Variants in KIAA1671 observed in about 807,000 individuals in gnomAD.
KIAA1671 encodes uncharacterized protein KIAA1671.
KIAA1671 carries 52 observed loss-of-function variants against 131.2 expected under a neutral mutation model. The ratio of observed to expected loss-of-function variants is 0.40; its 90% CI spans 0.32 to 0.50. The LOEUF (loss-of-function observed/expected upper bound fraction) is 0.50. Among genes scored for constraint, KIAA1671 ranks in the 20% least tolerant of loss-of-function variants. The pLI, the probability that KIAA1671 is intolerant of heterozygous loss-of-function variation, is 0.73. For missense variants in KIAA1671, 2,360 were observed against 2,364.2 expected (o/e 1.00, Z 0.04); for synonymous variants, 1,003 against 961.6 (o/e 1.04, Z -0.80).
chr22:25,093,261 GC>G (rs1458333063), intron 6 of KIAA1671, among the ~76,000 whole-genome samples: 2 of 152,180 alleles, frequency 1.3e-5, no homozygotes, highest in Non-Finnish European at 2.9e-5. Flanking sequence ...CCAGTTTTGA[GC>G]AGGCAGCCTA....
chr22:25,040,527 C>T lies in KIAA1671; in HGVS notation c.3397C>T (p.His1133Tyr), dbSNP rs1347487300. Residue 1133 changes from histidine (H) to tyrosine (Y), a missense_variant, in exon 5 of 13, where the codon CAT (histidine) becomes TAT (tyrosine). Around this residue, in one of 3 missense-constraint regions of KIAA1671, gnomAD observed 1,161 missense variants for 1,204.7 expected, o/e 0.96. Transcript: ENST00000358431. ...RIIDVDALWSHRGSEDGPRPQ... is the reference protein window; with the variant it reads ...RIIDVDALWSYRGSEDGPRPQ... ...CATTGATGTGGATGCCTTATGGAGT[C>T]ATCGGGGATCAGAAGATGGCCCTCG... 1 of 1,551,818 alleles carries T rather than the reference C, an allele frequency of 6.4e-7. No individual in the cohort carries two copies. Among genetic ancestry groups the T allele is most frequent in the African/African-American group, 1.4e-5 (1 of 73,164 alleles).
chr22:25,091,982 T>C (rs1930048517), intron 6 of KIAA1671, among the ~76,000 whole-genome samples: 1 of 152,142 alleles, frequency 6.6e-6, no homozygotes, highest in South Asian at 2.1e-4. Flanking sequence ...TTTAGTTTAT[T>C]TGGTCATTCA....
intron 1 of KIAA1671, among the ~76,000 whole-genome samples, chr22:24,978,357 C>T (rs906846667): frequency 6.6e-5 from 10 of 152,160 alleles, no homozygotes; most frequent in Admixed American, 1.3e-4. Context: ...TGCCTCCTGC[C>T]ATGACTCTGA....
At chr22:25,144,256 G>T (rs932084054) in intron 6 of KIAA1671, among the ~76,000 whole-genome samples, 1 of 151,956 alleles carries the variant, frequency 6.6e-6, no homozygotes, top group African/African-American at 2.4e-5. Flanking sequence ...TTTACCTCTT[G>T]GCACTGCCTC....
At chr22:24,958,050 A>G (rs1220731176) in intron 1 of KIAA1671, among the ~76,000 whole-genome samples, 1 of 150,186 alleles carries the variant, frequency 6.7e-6, no homozygotes, top group African/African-American at 2.5e-5. Flanking sequence ...AGTTCATGAA[A>G]CTGAGGCTTC....
chr22:24,975,639 T>C (rs986775851), intron 1 of KIAA1671, among the ~76,000 whole-genome samples: 1 of 152,158 alleles, frequency 6.6e-6, no homozygotes, highest in Non-Finnish European at 1.5e-5. Context: ...TTGAAATATA[T>C]GAAATTGCCA....
chr22:25,172,943 A>AT (rs1217705940), intron 7 of KIAA1671, among the ~76,000 whole-genome samples: 2 of 152,200 alleles, frequency 1.3e-5, no homozygotes, highest in African/African-American at 4.8e-5. Context: ...CATGAGGCCA[A>AT]TTATATTAGT....
chr22:25,118,454 A>G (rs1229345779), intron 6 of KIAA1671, among the ~76,000 whole-genome samples: 2 of 151,874 alleles, frequency 1.3e-5, no homozygotes, highest in African/African-American at 4.8e-5. Flanking sequence ...ACACCTACCT[A>G]ATTTTTTTGT....
chr22:24,988,778 T>A (rs577083816), intron 1 of KIAA1671, among the ~76,000 whole-genome samples: 2 of 149,896 alleles, frequency 1.3e-5, no homozygotes, highest in Non-Finnish European at 3.0e-5. Context: ...GTTTATCTCA[T>A]CTGAGAATTG....
chr22:25,070,668 G>T (rs6004424), intron 6 of KIAA1671, among the ~76,000 whole-genome samples: 19,565 of 151,696 alleles, frequency 0.13, 1,332 homozygotes, highest in South Asian at 0.18. Flanking sequence ...TCCGATGTGG[G>T]CTTTCCTCCA....
At chr22:25,081,870 T>A (rs1017434931) in intron 6 of KIAA1671, among the ~76,000 whole-genome samples, 3 of 152,112 alleles carry the variant, frequency 2.0e-5, no homozygotes, top group Non-Finnish European at 4.4e-5. Flanking sequence ...CAGACCAGCC[T>A]GGGCAACATA....
At chr22:24,953,800 C>T (rs1270109992) in intron 1 of KIAA1671, among the ~76,000 whole-genome samples, 3 of 152,224 alleles carry the variant, frequency 2.0e-5, no homozygotes, top group Admixed American at 6.5e-5. Context: ...GGGCTTCCTG[C>T]CTGCCGGGAC....
intron 1 of KIAA1671, chr22:25,015,105 T>C (rs1925233288): frequency 6.6e-6 from 1 of 151,898 alleles, no homozygotes; most frequent in African/African-American, 2.4e-5. Context: ...CAGGTCATGG[T>C]GGTGCATGCC....
intron 7 of KIAA1671, among the ~76,000 whole-genome samples, chr22:25,173,474 C>T (rs913941660): frequency 6.6e-6 from 1 of 152,192 alleles, no homozygotes; most frequent in Non-Finnish European, 1.5e-5. Flanking sequence ...ACCTGCTCTT[C>T]CATAGGTAAC....
rs542990745 is a variant in KIAA1671, at chr22:24,993,788, C to T, written c.-207-31845C>T. On this transcript the variant is annotated intron_variant, in intron 1 of 12. Transcript: ENST00000358431. ...GGAAAAAGAGCAACTTTTAAAAATTCAGCAAGTGCAGCCGGGTATGGTGGC... is the reference window on the plus strand; with the variant it reads ...GGAAAAAGAGCAACTTTTAAAAATTTAGCAAGTGCAGCCGGGTATGGTGGC... 2.0e-5 allele frequency among the ~76,000 whole-genome samples: 3 copies of T among 152,210 alleles called. No homozygotes were observed. In the East Asian group the frequency reaches 5.8e-4, roughly 29 times the overall value.
At chr22:25,156,652 C>G (rs1933256429) in intron 6 of KIAA1671, among the ~76,000 whole-genome samples, 1 of 151,948 alleles carries the variant, frequency 6.6e-6, no homozygotes, top group Non-Finnish European at 1.5e-5. Flanking sequence ...TCATGTATGT[C>G]TGCATCTATG....
chr22:24,975,662 A>C (rs533704159), intron 1 of KIAA1671, among the ~76,000 whole-genome samples: 10 of 152,302 alleles, frequency 6.6e-5, no homozygotes, highest in Middle Eastern at 3.4e-3. Flanking sequence ...TTCGTAGGTC[A>C]AGAATGGCAG....
intron 11 of KIAA1671, among the ~76,000 whole-genome samples, chr22:25,188,881 A>G (rs1165781917): frequency 6.6e-6 from 1 of 152,324 alleles, no homozygotes; most frequent in African/African-American, 2.4e-5. Context: ...AGAAAATCCA[A>G]GTGGACCCAC....
At chr22:25,180,492 C>T (rs138990462) in intron 9 of KIAA1671, among the ~76,000 whole-genome samples, 4,344 of 151,970 alleles carry the variant, frequency 0.029, 191 homozygotes, top group African/African-American at 0.1. Context: ...GAGCCGAGAT[C>T]GTGCCACTGC....
Sources: allele counts gnomAD v4.1 joint callset (sites outside exome capture counted in the v4.1 genomes callset), GRCh38; gene constraint gnomAD v4.1.1; regional missense constraint gnomAD v4.1.1; transcripts MANE v1.5; gene names NCBI Gene and HGNC (gene_info 2026-07-23, HGNC 2026-07-21).